ATOH8: variants seen among roughly 807,000 people sequenced by gnomAD.
ATOH8 encodes atonal bHLH transcription factor 8, also known as transcription factor ATOH8.
ATOH8 carries 9 observed loss-of-function variants against 21.2 expected under a neutral mutation model. The observed-to-expected ratio is 0.42, with a 90% CI of 0.26 to 0.74. The LOEUF (loss-of-function observed/expected upper bound fraction) is 0.74. ATOH8 is among the 30% of genes least tolerant of loss of function. ATOH8 has a pLI of 0.24. For missense variants in ATOH8, 524 were observed against 470.9 expected, an observed-to-expected ratio of 1.11 and a Z score of -1.04; for synonymous variants, 253 against 224.0, an observed-to-expected ratio of 1.13 and a Z score of -1.16.
chr2:85,773,993 G>T (rs187386267), intron 2 of ATOH8: 2 of 729,910 alleles, frequency 2.7e-6, no homozygotes, highest in East Asian at 2.6e-4. Flanking sequence ...CTTGGGGGCC[G>T]TGCGGCCGGG....
At chr2:85,770,254 C>T (rs1057309478) in intron 2 of ATOH8, among the ~76,000 whole-genome samples, 1 of 152,168 alleles carries the variant, frequency 6.6e-6, no homozygotes, top group Non-Finnish European at 1.5e-5. Context: ...AAGGAACTTG[C>T]CTGAGATCAC....
In ATOH8 at chr2:85,764,638, G is replaced by A. The variant is rs536758319; in HGVS notation, c.960+456G>A. Among the ~76,000 whole-genome samples the A allele has an allele frequency of 4.6e-5, 7 of 152,278 alleles. No homozygotes were observed. The East Asian group carries it at 7.7e-4, about 17-fold the overall frequency. ...TTATCTGAGGCTATGCATTAAGGGC[G>A]GTGATGGTCATTCATTCATTCATTC... is the stretch of plus-strand genomic sequence containing the variant. On this transcript the variant is annotated intron_variant, in intron 2 of 2. Coordinates refer to ENST00000306279, the MANE Select transcript of ATOH8 (RefSeq NM_032827.7).
At chr2:85,775,883 C>G (rs1680307392) in intron 2 of ATOH8, among the ~76,000 whole-genome samples, 1 of 152,210 alleles carries the variant, frequency 6.6e-6, no homozygotes, top group African/African-American at 2.4e-5. Flanking sequence ...GTTGTCATTA[C>G]CTTAACCACA....
At chr2:85,774,000 C>A in intron 2 of ATOH8, 2 of 788,250 alleles carry the variant, frequency 2.5e-6, no homozygotes, top group Non-Finnish European at 3.1e-6. Context: ...GCCGTGCGGC[C>A]GGGTGCTCAA....
At chr2:85,781,951 T>C (rs1680509200) in intron 2 of ATOH8, among the ~76,000 whole-genome samples, 1 of 152,178 alleles carries the variant, frequency 6.6e-6, no homozygotes, top group African/African-American at 2.4e-5. Flanking sequence ...TTAAGTATCC[T>C]GCTCAGGGCC....
chr2:85,788,175 A>T lies in ATOH8; in HGVS notation c.*1285A>T, dbSNP rs1680670997. 6.6e-6 allele frequency: 1 copy of T among 152,108 alleles called. No homozygotes were observed. Among genetic ancestry groups the T allele is most frequent in the African/African-American group, 2.4e-5 (1 of 41,376 alleles). 9.4% of individuals were successfully genotyped at this position (152,108 alleles called of 1,614,324 possible). ...ACCTACAGGTTGAGAGCCCTTCAGG[A>T]TCAGGCGCTGTCCGAGTGAGAGTGT... On this transcript the variant is annotated 3_prime_UTR_variant, in exon 3 of 3. Transcript: ENST00000306279.
rs1680730637 is a variant in ATOH8, at chr2:85,790,138, G to A, written c.*3248G>A. On this transcript the variant is annotated 3_prime_UTR_variant, in exon 3 of 3. Transcript: ENST00000306279. ...TCATGGGGCCCTGTGAAAGCACTTTGCAGTCCAGCCTTGGGTTTGTGGTCA... is the reference window on the plus strand; with the variant it reads ...TCATGGGGCCCTGTGAAAGCACTTTACAGTCCAGCCTTGGGTTTGTGGTCA... Among the ~76,000 whole-genome samples the A allele has an allele frequency of 1.3e-5, 2 of 152,336 alleles. No individual in the cohort carries two copies. Among genetic ancestry groups the A allele is most frequent in the South Asian group, 4.1e-4 (2 of 4,822 alleles).
chr2:85,770,777 A>T (rs1680161263), intron 2 of ATOH8, among the ~76,000 whole-genome samples: 1 of 150,276 alleles, frequency 6.7e-6, no homozygotes, highest in Non-Finnish European at 1.5e-5. Flanking sequence ...CTCTTTTCAC[A>T]CTCTCTGCCC....
intron 2 of ATOH8, among the ~76,000 whole-genome samples, chr2:85,769,842 GC>G (rs1457606350): frequency 2.6e-5 from 4 of 152,134 alleles, no homozygotes; most frequent in African/African-American, 4.8e-5. Context: ...CCCCTAGGGT[GC>G]CCACCAAGGG....
intron 2 of ATOH8, among the ~76,000 whole-genome samples, chr2:85,770,248 A>G (rs1680144769): frequency 6.6e-6 from 1 of 152,050 alleles, no homozygotes; most frequent in African/African-American, 2.4e-5. Flanking sequence ...GAGCCCAAGG[A>G]ACTTGCCTGA....
chr2:85,760,305 C>G (rs1428224389), intron 1 of ATOH8, among the ~76,000 whole-genome samples: 1 of 149,594 alleles, frequency 6.7e-6, no homozygotes, highest in South Asian at 2.2e-4. Context: ...TCCTTTGGCC[C>G]GTGTCCTCTG....
chr2:85,765,375 G>A (rs977154325), intron 2 of ATOH8, among the ~76,000 whole-genome samples: 2 of 152,236 alleles, frequency 1.3e-5, no homozygotes, highest in Admixed American at 1.3e-4. Context: ...ATGCCAGGGA[G>A]GGTCACGACA....
In ATOH8 at chr2:85,764,019, T is replaced by A; in HGVS notation, c.797T>A (p.Leu266Gln). The A allele has an allele frequency of 6.2e-7, 1 of 1,614,120 alleles. No homozygotes were observed. The highest frequency in any genetic ancestry group is 8.5e-7 in the Non-Finnish European group (1 of 1,180,030). The change falls in exon 2 of 3, where the codon CTG becomes CAG. Residue 266 changes from leucine to glutamine, a missense_variant. Coordinates refer to ENST00000306279, the MANE Select transcript of ATOH8 (RefSeq NM_032827.7). ...CCGTGCTACTCATATGGGCAGAAGCTGTCCAAACTGGCCATCCTGAGGATC... is the reference window on the plus strand; with the variant it reads ...CCGTGCTACTCATATGGGCAGAAGCAGTCCAAACTGGCCATCCTGAGGATC... ...QVPCYSYGQK[L>Q]SKLAILRIAC...
At chr2:85,765,647 G>A (rs1303840629) in intron 2 of ATOH8, among the ~76,000 whole-genome samples, 1 of 152,212 alleles carries the variant, frequency 6.6e-6, no homozygotes, top group Admixed American at 6.5e-5. Context: ...CGGAGGTGTA[G>A]ATGGGCAGAG....
At chr2:85,778,111 G>A (rs1680379881) in intron 2 of ATOH8, among the ~76,000 whole-genome samples, 1 of 152,348 alleles carries the variant, frequency 6.6e-6, no homozygotes, top group South Asian at 2.1e-4. Context: ...ACAAGCTCAT[G>A]CAGTAGATAC....
chr2:85,788,236 C>T lies in ATOH8; in HGVS notation c.*1346C>T, dbSNP rs548020244. Among the ~76,000 whole-genome samples, 76 of 151,950 alleles carry T rather than the reference C, an allele frequency of 5.0e-4. No homozygotes were observed. The highest frequency in any genetic ancestry group is 9.0e-4 in the Non-Finnish European group (61 of 67,920). On this transcript the variant is annotated 3_prime_UTR_variant, in exon 3 of 3. Coordinates refer to ENST00000306279, the MANE Select transcript of ATOH8 (RefSeq NM_032827.7). ...GTGTGGAAGGGGGTGGAGGGCGGTTCCCACAGTAGTCTCAGCCTGGACTAG... is the reference window on the plus strand; with the variant it reads ...GTGTGGAAGGGGGTGGAGGGCGGTTTCCACAGTAGTCTCAGCCTGGACTAG...
At chr2:85,767,477 T>C (rs1680046726) in intron 2 of ATOH8, among the ~76,000 whole-genome samples, 1 of 151,114 alleles carries the variant, frequency 6.6e-6, no homozygotes, top group Non-Finnish European at 1.5e-5. Context: ...AGCAGTTGTC[T>C]ACCCCCGCTC....
Position 85,785,696 on chromosome 2 carries a change from G to C in ATOH8, c.961-1189G>C, listed in dbSNP as rs1007520619. ...ACTGCCGATCTGGATTCAAATCCTGGCACTGGCAACTTCTAGCACTTCCTT... is the reference window on the plus strand; with the variant it reads ...ACTGCCGATCTGGATTCAAATCCTGCCACTGGCAACTTCTAGCACTTCCTT... On this transcript the variant is annotated intron_variant, in intron 2 of 2. Coordinates refer to ENST00000306279, the MANE Select transcript of ATOH8 (RefSeq NM_032827.7). This position sits in a 1 kb window ranked among gnomAD's most constrained non-coding sequence, Gnocchi z 4.1. 6.6e-6 allele frequency among the ~76,000 whole-genome samples: 1 copy of C among 152,178 alleles called. No homozygotes were observed.
chr2:85,764,910 A>G (rs528711708), intron 2 of ATOH8, among the ~76,000 whole-genome samples: 8 of 152,220 alleles, frequency 5.3e-5, no homozygotes, highest in Non-Finnish European at 1.0e-4. Context: ...AGCTGGGACC[A>G]GCAGGACCAC....
Sources: gnomAD v4.1 joint callset for allele counts (sites outside exome capture counted in the v4.1 genomes callset) on GRCh38, gnomAD v4.1.1 for gene constraint, Gnocchi (gnomAD v3.1) non-coding constraint, MANE v1.5 for transcripts, NCBI Gene and HGNC (gene_info 2026-07-23, HGNC 2026-07-21) for gene names.